Variants in TBC1D30 observed in about 807,000 individuals in gnomAD.
TBC1D30 encodes TBC1 domain family, member 30.
A neutral mutation model predicts 63.2 loss-of-function variants in TBC1D30; 31 were observed. That is an observed-to-expected ratio of 0.49 (90% CI 0.37 to 0.66). The LOEUF (loss-of-function observed/expected upper bound fraction) is 0.66, where lower values mean the gene tolerates loss of function less well. Ranked by LOEUF, TBC1D30 falls within the 30% of genes least tolerant of loss-of-function variation. The probability of loss-of-function intolerance (pLI) is 0.00; values close to 1 mark genes in which losing one functional copy is unlikely to be tolerated. For missense variants in TBC1D30, 810 were observed against 953.6 expected (o/e 0.85, Z 1.98); for synonymous variants, 307 against 361.5 (o/e 0.85, Z 1.71).
In TBC1D30 at chr12:64,780,717, C is replaced by T. The variant is rs1031128683; in HGVS notation, c.-92C>T. On this transcript the variant is annotated 5_prime_UTR_variant, in exon 1 of 13. Coordinates refer to the TBC1D30 transcript ENST00000542120. ...GGCGCCGCGCCCGGGAGGGCACCAC[C>T]GGCGAGGACGAAGCCGCGCCTCCTC... 1.4e-5 allele frequency: 14 copies of T among 978,444 alleles called. No individual in the cohort carries two copies. The African/African-American group carries it at 2.3e-4, about 16-fold the overall frequency. 60.6% of individuals were successfully genotyped at this position (978,444 alleles called of 1,614,324 possible).
chr12:64,848,609 CT>C (rs1294111954), intron 8 of TBC1D30, among the ~76,000 whole-genome samples: 4 of 152,104 alleles, frequency 2.6e-5, no homozygotes, highest in African/African-American at 7.2e-5. Flanking sequence ...TGAACTCACC[CT>C]TTTTTATGGC....
chr12:64,857,389 G>A (rs1592645789), intron 8 of TBC1D30, among the ~76,000 whole-genome samples: 1 of 152,122 alleles, frequency 6.6e-6, no homozygotes, highest in East Asian at 1.9e-4. Flanking sequence ...TCATTTGGGA[G>A]CTAGGGCCTG....
rs577104917 is a variant in TBC1D30, at chr12:64,804,825, C to G, written c.643+18780C>G. ...CCTAAAATCACCCACAAAAGGTATACGGGGCTCAACCCTCAACCCTGTGAT... is the reference window on the plus strand; with the variant it reads ...CCTAAAATCACCCACAAAAGGTATAGGGGGCTCAACCCTCAACCCTGTGAT... On this transcript the variant is annotated intron_variant, in intron 2 of 12. Coordinates refer to the TBC1D30 transcript ENST00000542120. Among the ~76,000 whole-genome samples the G allele has an allele frequency of 2.6e-4, 40 of 152,110 alleles. No homozygotes were observed. In the South Asian group the frequency reaches 7.9e-3, roughly 30 times the overall value.
At position 64,824,786 on chromosome 12, in the gene TBC1D30, CACTCACCCAGCTCCGCGA is replaced by C; in HGVS notation, c.-93_-76del. The C allele has an allele frequency of 6.9e-7, 1 of 1,454,994 alleles. No individual in the cohort carries two copies. The highest frequency in any genetic ancestry group is 9.1e-7 in the Non-Finnish European group (1 of 1,097,274). 90.1% of individuals were successfully genotyped at this position (1,454,994 alleles called of 1,614,324 possible). ...CTCCCACGGGCCGGTCAGCCGCAGA[CACTCACCCAGCTCCGCGA>C]GCTCAGCCGCTCAGCGAGTGGGGTA... On this transcript the variant is annotated 5_prime_UTR_variant, in exon 1 of 12. Coordinates refer to ENST00000539867, the MANE Select transcript of TBC1D30 (RefSeq NM_015279.2).
rs190761767 is a variant in TBC1D30 at position 64,833,814 on chromosome 12, G to T, written c.594+1510G>T. 4.6e-5 allele frequency among the ~76,000 whole-genome samples: 7 copies of T among 151,000 alleles called. No homozygotes were observed. In the East Asian group the frequency reaches 1.4e-3, roughly 29 times the overall value. On this transcript the variant is annotated intron_variant, in intron 5 of 11. Transcript: ENST00000539867. ...GGCAGTGACAAATACATGACTTTAA[G>T]ATGTTTTTTATTAAGAAGCAATTTT...
Position 64,880,283 on chromosome 12 carries a change from A to T in TBC1D30, c.*4495A>T, listed in dbSNP as rs1879376045. On this transcript the variant is annotated 3_prime_UTR_variant, in exon 12 of 12. Transcript: ENST00000539867. ...TACTGTAGGTATTGGGTCAGCTTTCATGCCGTTCCCTGCTGGCCATCTCCC... is the reference window on the plus strand; with the variant it reads ...TACTGTAGGTATTGGGTCAGCTTTCTTGCCGTTCCCTGCTGGCCATCTCCC... 1 of 152,318 alleles carries T rather than the reference A, an allele frequency of 6.6e-6. No homozygotes were observed. Among genetic ancestry groups the T allele is most frequent in the South Asian group, 2.1e-4 (1 of 4,834 alleles). The allele number at this position is 152,318 out of a possible 1,614,324, so 9.4% of individuals were successfully genotyped here.
chr12:64,868,749 G>GA, intron 10 of TBC1D30: 1 of 190,188 alleles, frequency 5.3e-6, no homozygotes, highest in Non-Finnish European at 1.1e-5. Context: ...ACCAGAACAA[G>GA]TCTACTTACT....
intron 2 of TBC1D30, among the ~76,000 whole-genome samples, chr12:64,809,631 G>C (rs565407492): frequency 1.2e-4 from 18 of 152,222 alleles, no homozygotes; most frequent in Admixed American, 5.9e-4. Flanking sequence ...ATTCTTTATA[G>C]CTTGCATTCT....
chr12:64,795,006 A>G (rs894358574), intron 2 of TBC1D30, among the ~76,000 whole-genome samples: 13 of 152,236 alleles, frequency 8.5e-5, no homozygotes, highest in African/African-American at 3.1e-4. Flanking sequence ...AGAAACTTTC[A>G]AAACTGTATT....
intron 8 of TBC1D30, among the ~76,000 whole-genome samples, chr12:64,847,202 C>G (rs1408480541): frequency 6.6e-6 from 1 of 150,498 alleles, no homozygotes. Context: ...CACTAATGAT[C>G]CTTTGATTTT....
intron 8 of TBC1D30, among the ~76,000 whole-genome samples, chr12:64,849,449 T>C (rs187022772): frequency 2.8e-4 from 43 of 152,340 alleles, no homozygotes; most frequent in Admixed American, 1.0e-3. Context: ...AGTTAATTTT[T>C]GTAGAAGGTG....
At chr12:64,799,465 A>T (rs772028135) in intron 2 of TBC1D30, among the ~76,000 whole-genome samples, 10 of 152,232 alleles carry the variant, frequency 6.6e-5, no homozygotes, top group Non-Finnish European at 1.0e-4. Flanking sequence ...TGCCATCAGC[A>T]TTTGCATCCT....
At chr12:64,820,353 A>G (rs1009174533), upstream of TBC1D30, among the ~76,000 whole-genome samples, 1 of 152,200 alleles carries the variant, frequency 6.6e-6, no homozygotes, top group African/African-American at 2.4e-5. Context: ...CTGAAGATGC[A>G]GGGTATGCCG....
At chr12:64,866,983 C>T (rs892860626) in intron 10 of TBC1D30, 80 bp downstream of exon 10, 55 of 1,446,354 alleles carry the variant, frequency 3.8e-5, no homozygotes, top group Non-Finnish European at 4.5e-5. Context: ...CCTATAGATG[C>T]CCCAGTAACT....
At position 64,875,738 on chromosome 12, in the gene TBC1D30, A is replaced by G. The variant is rs1403860242; in HGVS notation, c.2236A>G (p.Arg746Gly). 2.0e-6 allele frequency: 3 copies of G among 1,534,714 alleles called. No homozygotes were observed. Among genetic ancestry groups the G allele is most frequent in the Non-Finnish European group, 2.6e-6 (3 of 1,146,422 alleles). ...TPTVHFPQMS[R>G]SFSKPGGGNS... The stretch of plus-strand genomic sequence containing the variant: ...AACTGTGCACTTTCCTCAAATGAGT[A>G]GGAGCTTCAGCAAACCCGGCGGTGG... Residue 746 changes from arginine to glycine, a missense_variant, in exon 12 of 12, where the codon AGG becomes GGG. Arg to Gly is a moderately radical substitution (Grantham distance 125). Around this residue, in one of 4 missense-constraint regions of TBC1D30, gnomAD observed 450 missense variants for 473.0 expected, o/e 0.95. Transcript: ENST00000539867.
At chr12:64,812,944 G>A (rs962750470) in intron 2 of TBC1D30, among the ~76,000 whole-genome samples, 4 of 152,058 alleles carry the variant, frequency 2.6e-5, no homozygotes, top group African/African-American at 7.2e-5. Context: ...TTAAACAAAC[G>A]TTCTTTTTAT....
chr12:64,764,398 A>G (rs547546376), intron 1 of TBC1D30, among the ~76,000 whole-genome samples: 1 of 152,200 alleles, frequency 6.6e-6, no homozygotes. Context: ...AGTACTTTTC[A>G]TCATGACCTC....
At chr12:64,839,605 A>G (rs187894158) in intron 7 of TBC1D30, among the ~76,000 whole-genome samples, 17 of 152,328 alleles carry the variant, frequency 1.1e-4, no homozygotes, top group East Asian at 1.9e-4. Flanking sequence ...AAACTAGTAA[A>G]TCACTGGCAC....
intron 8 of TBC1D30, among the ~76,000 whole-genome samples, chr12:64,853,547 A>G (rs1331221834): frequency 1.3e-5 from 2 of 151,678 alleles, no homozygotes; most frequent in African/African-American, 4.8e-5. Context: ...TGAAAAAAAA[A>G]CTCCTGCAGC....
Sources: allele counts gnomAD v4.1 joint callset (sites outside exome capture counted in the v4.1 genomes callset), GRCh38; gene constraint gnomAD v4.1.1; regional missense constraint gnomAD v4.1.1; transcripts MANE v1.5; gene names NCBI Gene and HGNC (gene_info 2026-07-23, HGNC 2026-07-21).